Variants in CNBD1 observed in about 807,000 individuals in gnomAD.
CNBD1 encodes the protein cyclic nucleotide-binding domain-containing protein 1.
A neutral mutation model predicts 54.4 loss-of-function variants in CNBD1; 71 were observed. The observed-to-expected ratio is 1.30, with a 90% CI of 1.08 to 1.59. The LOEUF (loss-of-function observed/expected upper bound fraction) is 1.59. Ranked by LOEUF, CNBD1 falls within the 40% of genes most tolerant of loss-of-function variation. The probability of loss-of-function intolerance (pLI) is 0.00; values close to 1 mark genes in which losing one functional copy is unlikely to be tolerated. For missense variants in CNBD1, 659 were observed against 518.0 expected, an observed-to-expected ratio of 1.27 and a Z score of -2.64; for synonymous variants, 182 against 170.7, an observed-to-expected ratio of 1.07 and a Z score of -0.51.
chr8:87,330,476 T>G (rs1438613245), intron 8 of CNBD1, among the ~76,000 whole-genome samples: 1 of 152,122 alleles, frequency 6.6e-6, no homozygotes. Context: ...TACATTTTGA[T>G]AAGTTGTTTT....
intron 5 of CNBD1, among the ~76,000 whole-genome samples, chr8:87,230,012 A>G (rs974604995): frequency 6.6e-6 from 1 of 152,144 alleles, no homozygotes; most frequent in South Asian, 2.1e-4. Flanking sequence ...TATAGGAGCC[A>G]TGATGCTGGC....
At chr8:86,983,510 T>C (rs1276989611) in intron 4 of CNBD1, among the ~76,000 whole-genome samples, 1 of 151,974 alleles carries the variant, frequency 6.6e-6, no homozygotes, top group African/African-American at 2.4e-5. Context: ...GACAGAAAAA[T>C]GTGAGAAAGT....
At chr8:87,122,471 T>G (rs932070232) in intron 4 of CNBD1, among the ~76,000 whole-genome samples, 60 of 151,996 alleles carry the variant, frequency 3.9e-4, no homozygotes, top group African/African-American at 1.4e-3. Flanking sequence ...ATAAATATTT[T>G]CTCTAATTCT....
chr8:87,318,297 G>A (rs1809443405), intron 8 of CNBD1, among the ~76,000 whole-genome samples: 1 of 151,810 alleles, frequency 6.6e-6, no homozygotes, highest in South Asian at 2.1e-4. Flanking sequence ...ACTTTGTTGG[G>A]TGCTGGATTA....
At chr8:87,271,371 A>G (rs1340997201) in intron 6 of CNBD1, among the ~76,000 whole-genome samples, 1 of 151,748 alleles carries the variant, frequency 6.6e-6, no homozygotes, top group African/African-American at 2.4e-5. Flanking sequence ...ACTTTTTGAA[A>G]CAGGTATTTA....
chr8:87,068,862 G>A (rs1810706332), intron 4 of CNBD1, among the ~76,000 whole-genome samples: 1 of 152,038 alleles, frequency 6.6e-6, no homozygotes, highest in African/African-American at 2.4e-5. Flanking sequence ...ACCCTTGGAG[G>A]AGGTAAAGCC....
intron 10 of CNBD1, among the ~76,000 whole-genome samples, chr8:87,371,474 C>A (rs2130948535): frequency 6.6e-6 from 1 of 152,004 alleles, no homozygotes; most frequent in Admixed American, 6.6e-5. Flanking sequence ...CTAAGTACTT[C>A]TAACTCATTT....
At chr8:86,956,759 A>G (rs1046389579) in intron 4 of CNBD1, among the ~76,000 whole-genome samples, 4 of 152,216 alleles carry the variant, frequency 2.6e-5, no homozygotes, top group African/African-American at 7.2e-5. Context: ...TAAATATACA[A>G]TCATGTCATC....
At chr8:87,364,972 T>TG (rs1810612307) in intron 10 of CNBD1, among the ~76,000 whole-genome samples, 1 of 152,114 alleles carries the variant, frequency 6.6e-6, no homozygotes, top group African/African-American at 2.4e-5. Context: ...TGTGTCTTTA[T>TG]AATAGAACTA....
At chr8:87,343,590 A>G (rs896687855) in intron 8 of CNBD1, among the ~76,000 whole-genome samples, 3 of 152,152 alleles carry the variant, frequency 2.0e-5, no homozygotes, top group African/African-American at 4.8e-5. Context: ...AACCTTTCCT[A>G]TGTGTTGTTT....
intron 4 of CNBD1, among the ~76,000 whole-genome samples, chr8:87,150,259 A>T (rs1812576866): frequency 6.6e-6 from 1 of 152,188 alleles, no homozygotes; most frequent in Non-Finnish European, 1.5e-5. Context: ...TATTTGATTT[A>T]GAAAGCCCAT....
At chr8:86,983,260 T>C (rs1355356744) in intron 4 of CNBD1, among the ~76,000 whole-genome samples, 1 of 152,204 alleles carries the variant, frequency 6.6e-6, no homozygotes, top group African/African-American at 2.4e-5. Flanking sequence ...TCTTGTCTGC[T>C]GCCATGTCAG....
At chr8:87,213,299 A>C (rs1179848620) in intron 5 of CNBD1, among the ~76,000 whole-genome samples, 1 of 152,170 alleles carries the variant, frequency 6.6e-6, no homozygotes, top group African/African-American at 2.4e-5. Flanking sequence ...CTCAAATATT[A>C]ACCATAATGT....
intron 3 of CNBD1, among the ~76,000 whole-genome samples, chr8:86,921,396 A>G (rs1025379627): frequency 6.6e-6 from 1 of 152,124 alleles, no homozygotes; most frequent in African/African-American, 2.4e-5. Context: ...ATTCTAAAAA[A>G]TAAAAATAAA....
chr8:87,109,639 C>T (rs763505473), intron 4 of CNBD1, among the ~76,000 whole-genome samples: 12 of 150,126 alleles, frequency 8.0e-5, no homozygotes, highest in East Asian at 4.0e-4. Context: ...CCTGGGTTCA[C>T]GCCATTCTCC....
chr8:87,035,220 T>C (rs2130600489), intron 4 of CNBD1, among the ~76,000 whole-genome samples: 1 of 152,338 alleles, frequency 6.6e-6, no homozygotes, highest in African/African-American at 2.4e-5. Flanking sequence ...CATGCATGTT[T>C]GTTACATGTG....
chr8:87,136,163 A>G (rs892715774), intron 4 of CNBD1, among the ~76,000 whole-genome samples: 1 of 152,026 alleles, frequency 6.6e-6, no homozygotes, highest in Non-Finnish European at 1.5e-5. Flanking sequence ...CTCAAAAGCA[A>G]TGGAAGTATT....
chr8:87,219,747 A>G (rs932783258), intron 5 of CNBD1, among the ~76,000 whole-genome samples: 1 of 152,008 alleles, frequency 6.6e-6, no homozygotes, highest in African/African-American at 2.4e-5. Flanking sequence ...TACTGTTTGG[A>G]ATCAGGCATA....
At chr8:87,379,793 T>G (rs1811037167) in intron 10 of CNBD1, among the ~76,000 whole-genome samples, 1 of 151,876 alleles carries the variant, frequency 6.6e-6, no homozygotes, top group Admixed American at 6.6e-5. Flanking sequence ...AATAATTTTC[T>G]AAAAAATGAA....
Sources: gnomAD v4.1 joint callset for allele counts (sites outside exome capture counted in the v4.1 genomes callset) on GRCh38, gnomAD v4.1.1 for gene constraint, MANE v1.5 for transcripts, NCBI Gene and HGNC (gene_info 2026-07-23, HGNC 2026-07-21) for gene names.